OSBPL10: variants seen among roughly 807,000 people sequenced by gnomAD.
The protein encoded by OSBPL10 is oxysterol binding protein like 10, also known as oxysterol-binding protein-related protein 10.
Under a neutral mutation model 81.7 loss-of-function variants are expected in OSBPL10, and 49 were observed. The observed-to-expected ratio is 0.60, with a 90% CI of 0.48 to 0.76. The LOEUF (loss-of-function observed/expected upper bound fraction) is 0.76. Among genes scored for constraint, OSBPL10 ranks in the 30% least tolerant of loss-of-function variants. The probability of loss-of-function intolerance (pLI) is 0.00; values close to 1 mark genes in which losing one functional copy is unlikely to be tolerated. For synonymous variants in OSBPL10, 419 were observed against 383.6 expected, an observed-to-expected ratio of 1.09 and a Z score of -1.08; for missense variants, 923 against 987.8, an observed-to-expected ratio of 0.93 and a Z score of 0.88.
intron 4 of OSBPL10, among the ~76,000 whole-genome samples, chr3:31,774,019 G>A (rs576012266): frequency 7.9e-5 from 12 of 152,012 alleles, no homozygotes; most frequent in East Asian, 1.9e-4. Context: ...AAGATTAGCC[G>A]GGCGTGGTGG....
At chr3:31,860,532 G>C (rs1192381390) in intron 3 of OSBPL10, among the ~76,000 whole-genome samples, 3 of 152,182 alleles carry the variant, frequency 2.0e-5, no homozygotes, top group African/African-American at 4.8e-5. Context: ...AAGGAGGCTA[G>C]GGTTATGAGC....
intron 2 of OSBPL10, among the ~76,000 whole-genome samples, chr3:32,019,870 A>T (rs1699346233): frequency 6.6e-6 from 1 of 152,162 alleles, no homozygotes; most frequent in African/African-American, 2.4e-5. Flanking sequence ...TTTCTACTAC[A>T]CTGGAACATA....
At chr3:31,764,688 T>C (rs1698146142) in intron 4 of OSBPL10, among the ~76,000 whole-genome samples, 1 of 152,184 alleles carries the variant, frequency 6.6e-6, no homozygotes. Flanking sequence ...AGCTTCAGGC[T>C]TAACCATCAT....
At chr3:31,765,099 C>A (rs1698156253) in intron 4 of OSBPL10, among the ~76,000 whole-genome samples, 2 of 152,122 alleles carry the variant, frequency 1.3e-5, no homozygotes, top group Non-Finnish European at 2.9e-5. Context: ...CTCACTGCAA[C>A]CTCTGCCTCC....
At chr3:31,855,464 A>C (rs1700885511) in intron 3 of OSBPL10, among the ~76,000 whole-genome samples, 1 of 152,136 alleles carries the variant, frequency 6.6e-6, no homozygotes, top group Non-Finnish European at 1.5e-5. Flanking sequence ...GTTGTTCTCT[A>C]GCCTCCAGCC....
chr3:31,703,217 G>A (rs1559423983), intron 6 of OSBPL10, among the ~76,000 whole-genome samples: 1 of 152,128 alleles, frequency 6.6e-6, no homozygotes, highest in Non-Finnish European at 1.5e-5. Context: ...ACTGGGCAAG[G>A]GGATTATTGC....
At chr3:31,872,130 A>G (rs1030678381) in intron 3 of OSBPL10, among the ~76,000 whole-genome samples, 8 of 152,220 alleles carry the variant, frequency 5.3e-5, no homozygotes, top group African/African-American at 1.9e-4. Flanking sequence ...CTCCACCTCA[A>G]GTAACACCGG....
intron 4 of OSBPL10, among the ~76,000 whole-genome samples, chr3:31,783,107 TCTATTATATATATATATA>T (rs994908320): frequency 5.7e-5 from 7 of 122,236 alleles, no homozygotes; most frequent in East Asian, 2.0e-4. Context: ...TATCAATATA[TCTATTATATATATATATA>T]TATATATATA....
At chr3:31,735,183 C>A (rs1697112930) in intron 5 of OSBPL10, among the ~76,000 whole-genome samples, 1 of 152,226 alleles carries the variant, frequency 6.6e-6, no homozygotes, top group Non-Finnish European at 1.5e-5. Flanking sequence ...ACCTGTAATT[C>A]CAGCACTTTG....
intron 3 of OSBPL10, among the ~76,000 whole-genome samples, chr3:31,865,278 C>A (rs147791503): frequency 6.6e-6 from 1 of 152,212 alleles, no homozygotes; most frequent in Admixed American, 6.5e-5. Context: ...CTGTCCAATA[C>A]GCAGCCATCA....
intron 6 of OSBPL10, among the ~76,000 whole-genome samples, chr3:31,725,480 G>A (rs985606262): frequency 1.3e-5 from 2 of 152,126 alleles, no homozygotes; most frequent in South Asian, 4.2e-4. Context: ...GATCTAAATG[G>A]AATGTCTTCA....
At chr3:32,049,916 A>T (rs905429468) in intron 1 of OSBPL10, among the ~76,000 whole-genome samples, 1 of 152,152 alleles carries the variant, frequency 6.6e-6, no homozygotes, top group African/African-American at 2.4e-5. Context: ...CGCTGCAGTC[A>T]ACACTTTTCT....
chr3:31,796,537 G>A (rs1699216778), intron 4 of OSBPL10, among the ~76,000 whole-genome samples: 1 of 152,084 alleles, frequency 6.6e-6, no homozygotes, highest in Non-Finnish European at 1.5e-5. Flanking sequence ...AGGGACAATT[G>A]AATATATATT....
intron 10 of OSBPL10, among the ~76,000 whole-genome samples, chr3:31,667,211 G>A (rs1348353313): frequency 2.0e-5 from 3 of 152,244 alleles, no homozygotes; most frequent in Non-Finnish European, 4.4e-5. Flanking sequence ...TTCATCAGAG[G>A]CAGTGTGGGC....
chr3:31,683,907 C>T lies in OSBPL10; in HGVS notation c.1453G>A (p.Glu485Lys), dbSNP rs763391195. The change falls in exon 8 of 12, where the codon GAG (glutamate) becomes AAG (lysine). Residue 485 changes from glutamate (E) to lysine (K), a missense_variant. Coordinates refer to ENST00000396556, the MANE Select transcript of OSBPL10 (RefSeq NM_017784.5). ...AKKPYNPIIG[E>K]TFHCSWEVPK... The stretch of plus-strand genomic sequence containing the variant: ...ACTTCCCAGGAGCAGTGAAATGTCT[C>T]GCCTATGATGGGGTTGTAGGGCTTC... 14 of 1,614,224 alleles carry T rather than the reference C, an allele frequency of 8.7e-6. No individual in the cohort carries two copies. Among genetic ancestry groups the T allele is most frequent in the South Asian group, 1.1e-5 (1 of 91,084 alleles).
chr3:31,758,507 C>T (rs769931833), intron 4 of OSBPL10, among the ~76,000 whole-genome samples: 3 of 152,122 alleles, frequency 2.0e-5, no homozygotes, highest in Non-Finnish European at 2.9e-5. Context: ...CAAACAACTC[C>T]ACCCCCATTT....
intron 2 of OSBPL10, among the ~76,000 whole-genome samples, chr3:32,016,845 G>C (rs931498699): frequency 6.6e-6 from 1 of 152,138 alleles, no homozygotes; most frequent in Non-Finnish European, 1.5e-5. Context: ...TCCTGGACCA[G>C]GTACTTAATC....
intron 5 of OSBPL10, among the ~76,000 whole-genome samples, chr3:31,736,223 A>AAATGTGTACACATAG (rs1182332507): frequency 6.6e-6 from 1 of 152,192 alleles, no homozygotes; most frequent in African/African-American, 2.4e-5. Context: ...TGCACACATA[A>AAATGTGTACACATAG]AATGTGTACA....
chr3:31,690,203 G>A (rs990436765), intron 7 of OSBPL10, among the ~76,000 whole-genome samples: 28 of 152,126 alleles, frequency 1.8e-4, no homozygotes, highest in African/African-American at 6.8e-4. Flanking sequence ...TCCCCTTGCT[G>A]TTCTCATGAT....
Sources: gnomAD v4.1 joint callset for allele counts (sites outside exome capture counted in the v4.1 genomes callset) on GRCh38, gnomAD v4.1.1 for gene constraint, MANE v1.5 for transcripts, NCBI Gene and HGNC (gene_info 2026-07-23, HGNC 2026-07-21) for gene names.